KCNIP4: variants seen among roughly 807,000 people sequenced by gnomAD.
KCNIP4 encodes the protein potassium voltage-gated channel interacting protein 4, also known as Kv channel-interacting protein 4.
In KCNIP4, 12 loss-of-function variants were observed where a neutral mutation model predicts 34.0. The observed-to-expected ratio is 0.35, with a 90% CI of 0.23 to 0.57. The LOEUF is 0.57. KCNIP4 is among the 20% of genes least tolerant of loss of function. The pLI, the probability that KCNIP4 is intolerant of heterozygous loss-of-function variation, is 0.83. For missense variants in KCNIP4, 238 were observed against 311.7 expected, an observed-to-expected ratio of 0.76 and a Z score of 1.78; for synonymous variants, 124 against 102.2, an observed-to-expected ratio of 1.21 and a Z score of -1.29.
intron 1 of KCNIP4, among the ~76,000 whole-genome samples, chr4:21,519,520 ATG>A (rs1254479570): frequency 1.6e-5 from 1 of 60,930 alleles, no homozygotes; most frequent in Non-Finnish European, 3.9e-5. Flanking sequence ...ATATACACAT[ATG>A]TGTGTATGTG....
At chr4:21,041,716 T>C (rs1016300654) in intron 1 of KCNIP4, among the ~76,000 whole-genome samples, 1 of 152,200 alleles carries the variant, frequency 6.6e-6, no homozygotes, top group Non-Finnish European at 1.5e-5. Context: ...CTAAACTTTT[T>C]CGTTTGGATA....
chr4:21,382,584 C>T (rs1162601897), intron 1 of KCNIP4, among the ~76,000 whole-genome samples: 3 of 152,020 alleles, frequency 2.0e-5, no homozygotes, highest in Admixed American at 6.6e-5. Context: ...TCAAATTTTA[C>T]AATTCTTCAC....
chr4:21,821,040 T>C (rs1185297907), intron 1 of KCNIP4, among the ~76,000 whole-genome samples: 1 of 152,190 alleles, frequency 6.6e-6, no homozygotes, highest in East Asian at 1.9e-4. Context: ...CTTGTTGCTA[T>C]TTGAGGAAAA....
At chr4:21,831,247 A>AG (rs1282989690) in intron 1 of KCNIP4, among the ~76,000 whole-genome samples, 1 of 151,952 alleles carries the variant, frequency 6.6e-6, no homozygotes, top group East Asian at 1.9e-4. Flanking sequence ...TAAAGAATCC[A>AG]GGGGGAAAAA....
intron 1 of KCNIP4, among the ~76,000 whole-genome samples, chr4:21,170,611 A>G (rs1409816981): frequency 6.6e-6 from 1 of 152,182 alleles, no homozygotes; most frequent in Admixed American, 6.5e-5. Flanking sequence ...TAAATGTAGC[A>G]TAGAATTATA....
rs1741976507 is a variant in KCNIP4 at position 21,589,332 on chromosome 4, A to G, written c.61+359239T>C. On this transcript the variant is annotated intron_variant, in intron 1 of 8. Coordinates refer to ENST00000382152, the MANE Select transcript of KCNIP4 (RefSeq NM_025221.6). The stretch of plus-strand genomic sequence containing the variant: ...TATATACATGTACATATACACGTGT[A>G]TATATATACATGTGTATGTATATAT... Among the ~76,000 whole-genome samples, 6 of 147,508 alleles carry G rather than the reference A, an allele frequency of 4.1e-5. No homozygotes were observed. In the South Asian group the frequency reaches 1.1e-3, roughly 26 times the overall value.
chr4:21,384,826 T>A (rs184543479), intron 1 of KCNIP4, among the ~76,000 whole-genome samples: 77 of 152,312 alleles, frequency 5.1e-4, no homozygotes, highest in Admixed American at 1.9e-3. Flanking sequence ...GATTTTTACT[T>A]GAAATAGCTG....
chr4:21,687,405 G>A (rs1750893301), intron 1 of KCNIP4, among the ~76,000 whole-genome samples: 1 of 152,024 alleles, frequency 6.6e-6, no homozygotes, highest in Non-Finnish European at 1.5e-5. Flanking sequence ...AGATGGTGTA[G>A]CTTTGTCCCC....
intron 1 of KCNIP4, among the ~76,000 whole-genome samples, chr4:21,010,461 C>T (rs916028576): frequency 6.6e-6 from 1 of 152,136 alleles, no homozygotes; most frequent in Admixed American, 6.5e-5. Context: ...AAGAAAATGC[C>T]TGCAGACTTT....
At chr4:21,763,486 T>C (rs1161921306) in intron 1 of KCNIP4, among the ~76,000 whole-genome samples, 1 of 152,088 alleles carries the variant, frequency 6.6e-6, no homozygotes, top group Non-Finnish European at 1.5e-5. Flanking sequence ...AAAACAACAA[T>C]GTCTTCAGAA....
chr4:21,455,808 CATATATATAT>C lies in KCNIP4; in HGVS notation c.61+492753_61+492762del, dbSNP rs1171436191. On this transcript the variant is annotated intron_variant, in intron 1 of 8. Transcript: ENST00000382152. The stretch of plus-strand genomic sequence containing the variant: ...TTAATGTGATAGTCTTACAGATATT[CATATATATAT>C]ATATATATATATATATATATATATA... 7.3e-3 allele frequency among the ~76,000 whole-genome samples: 523 copies of C among 71,864 alleles called. 14 individuals are homozygous for C. Among genetic ancestry groups the C allele is most frequent in the African/African-American group, 0.023 (312 of 13,400 alleles). 47.1% of individuals were successfully genotyped at this position (71,864 alleles called of 152,430 possible). A position where few individuals can be genotyped will look rare whatever the true frequency, so the allele number is the denominator to read the frequency against.
At chr4:20,797,339 G>C (rs1713607540) in intron 3 of KCNIP4, among the ~76,000 whole-genome samples, 1 of 152,168 alleles carries the variant, frequency 6.6e-6, no homozygotes, top group African/African-American at 2.4e-5. Flanking sequence ...AGAATATCTA[G>C]CTGTGACTTC....
At chr4:21,142,752 A>G (rs1310704736) in intron 1 of KCNIP4, among the ~76,000 whole-genome samples, 2 of 152,194 alleles carry the variant, frequency 1.3e-5, no homozygotes, top group Non-Finnish European at 2.9e-5. Context: ...TGTCACAGCT[A>G]TTTAGAAAGT....
intron 1 of KCNIP4, among the ~76,000 whole-genome samples, chr4:21,529,363 A>T (rs1384002330): frequency 6.6e-6 from 1 of 152,170 alleles, no homozygotes. Flanking sequence ...AACATCAAGT[A>T]CCAAGGATAT....
intron 1 of KCNIP4, among the ~76,000 whole-genome samples, chr4:21,503,007 G>A (rs1733493013): frequency 6.6e-6 from 1 of 152,082 alleles, no homozygotes; most frequent in Admixed American, 6.6e-5. Context: ...CAGTAGGCAG[G>A]CATGAAATTA....
intron 1 of KCNIP4, among the ~76,000 whole-genome samples, chr4:20,958,700 C>T (rs1733552141): frequency 6.6e-6 from 1 of 152,092 alleles, no homozygotes; most frequent in African/African-American, 2.4e-5. Flanking sequence ...TACAGAACCA[C>T]GTAAAGAGCT....
intron 1 of KCNIP4, among the ~76,000 whole-genome samples, chr4:21,458,527 G>A (rs1729163193): frequency 6.6e-6 from 1 of 152,012 alleles, no homozygotes; most frequent in Non-Finnish European, 1.5e-5. Context: ...ACCTATGACT[G>A]AAATCAGTGA....
In KCNIP4 at chr4:21,365,670, A is replaced by T. The variant is rs574255808; in HGVS notation, c.62-482961T>A. 2.0e-5 allele frequency among the ~76,000 whole-genome samples: 3 copies of T among 152,214 alleles called. No individual in the cohort carries two copies. The South Asian group carries it at 6.2e-4, about 32-fold the overall frequency. On this transcript the variant is annotated intron_variant, in intron 1 of 8. Transcript: ENST00000382152. The stretch of plus-strand genomic sequence containing the variant: ...CTTATTCTATTTTGTTTTCTCACCC[A>T]ATAGCTATTTATTCTGTTCCCGTTG...
At chr4:21,170,235 A>G (rs1577822610) in intron 1 of KCNIP4, among the ~76,000 whole-genome samples, 1 of 152,158 alleles carries the variant, frequency 6.6e-6, no homozygotes, top group African/African-American at 2.4e-5. Context: ...TAGATCTTTC[A>G]TTAGCATCAA....
Sources: gnomAD v4.1 joint callset for allele counts (sites outside exome capture counted in the v4.1 genomes callset) on GRCh38, gnomAD v4.1.1 for gene constraint, MANE v1.5 for transcripts, NCBI Gene and HGNC (gene_info 2026-07-23, HGNC 2026-07-21) for gene names.